Variants in PDK3 observed in about 807,000 individuals in gnomAD.
PDK3 encodes the protein pyruvate dehydrogenase kinase, isozyme 3.
In PDK3, 12 loss-of-function variants were observed where a neutral mutation model predicts 32.0. That is an observed-to-expected ratio of 0.37 (90% CI 0.24 to 0.61). The LOEUF (loss-of-function observed/expected upper bound fraction) is 0.61. Among genes scored for constraint, PDK3 ranks in the 20% least tolerant of loss-of-function variants. The pLI, the probability that PDK3 is intolerant of heterozygous loss-of-function variation, is 0.65. For missense variants in PDK3, 188 were observed against 316.9 expected (o/e 0.59, Z 3.09); for synonymous variants, 122 against 116.3 (o/e 1.05, Z -0.31).
At chrX:24,476,435 C>T (rs924074539) in intron 1 of PDK3, among the ~76,000 whole-genome samples, 2 of 112,025 alleles carry the variant, frequency 1.8e-5, no homozygotes, top group Non-Finnish European at 1.9e-5. Flanking sequence ...GTGCATAGGT[C>T]ATATGCAAAT....
downstream of PDK3, among the ~76,000 whole-genome samples, chrX:24,535,749 A>G (rs1051211487): frequency 5.5e-5 from 6 of 109,688 alleles, no homozygotes; most frequent in Non-Finnish European, 7.6e-5. Flanking sequence ...TTCCATGTCA[A>G]TGATCATTCA....
chrX:24,519,173 A>G (rs1922333064), intron 6 of PDK3, among the ~76,000 whole-genome samples, 163 bp downstream of exon 6: 1 of 110,827 alleles, frequency 9.0e-6, no homozygotes, highest in Non-Finnish European at 1.9e-5. Context: ...ATATTATTGT[A>G]AGGAGTTTTT....
chrX:24,496,669 C>T (rs1299648703), intron 2 of PDK3, among the ~76,000 whole-genome samples: 3 of 96,507 alleles, frequency 3.1e-5, no homozygotes, highest in African/African-American at 7.8e-5. Context: ...CTTTTAAAAG[C>T]GAATCTTATG....
At chrX:24,468,387 A>G (rs771307279) in intron 1 of PDK3, among the ~76,000 whole-genome samples, 1 of 111,544 alleles carries the variant, frequency 9.0e-6, no homozygotes, top group Non-Finnish European at 1.9e-5. Context: ...CTCCCACTCC[A>G]AGTCGTGACA....
intron 5 of PDK3, among the ~76,000 whole-genome samples, chrX:24,514,008 C>T (rs866723465): frequency 1.8e-5 from 2 of 111,456 alleles, no homozygotes; most frequent in South Asian, 7.5e-4. Flanking sequence ...TTAATTTTTT[C>T]AGCACTCACT....
At chrX:24,517,304 C>T (rs1028120309) in intron 5 of PDK3, among the ~76,000 whole-genome samples, 1 of 111,220 alleles carries the variant, frequency 9.0e-6, no homozygotes, top group Admixed American at 9.5e-5. Context: ...CTCACTGCAA[C>T]CTCCACCTCC....
exon 12 of PDK3, chrX:24,550,439 A>C (rs1923077552): frequency 1.8e-5 from 2 of 111,991 alleles, no homozygotes; most frequent in South Asian, 7.5e-4. Flanking sequence ...CCCAATAATC[A>C]GAACAATAAA....
downstream of PDK3, among the ~76,000 whole-genome samples, chrX:24,538,366 TGG>T (rs1922822243): frequency 1.8e-5 from 2 of 112,387 alleles, no homozygotes; most frequent in Non-Finnish European, 3.8e-5. Context: ...TTAGTAAGTA[TGG>T]TAAATTCACT....
downstream of PDK3, among the ~76,000 whole-genome samples, chrX:24,537,139 A>T (rs1347203026): frequency 2.2e-5 from 2 of 89,748 alleles, no homozygotes; most frequent in African/African-American, 4.2e-5. Flanking sequence ...TTTTTTTGAG[A>T]CAGAGTCTCA....
chrX:24,527,382 G>A (rs1014910396), intron 7 of PDK3, among the ~76,000 whole-genome samples, 192 bp from the exon 8 acceptor site: 4 of 110,446 alleles, frequency 3.6e-5, no homozygotes, highest in Admixed American at 9.7e-5. Context: ...GAAAAACAAA[G>A]TGTCAGGAAA....
At position 24,472,769 on chromosome X, in the gene PDK3, C is replaced by T. The variant is rs766347655; in HGVS notation, c.106+7208C>T. Reference sequence around the variant, plus strand: ...ATGGTGCGATCTGGGCTCACCGCAACCTCCGCCTCCCAGGTTCAAGTGATT... The same window carrying T: ...ATGGTGCGATCTGGGCTCACCGCAATCTCCGCCTCCCAGGTTCAAGTGATT... On this transcript the variant is annotated intron_variant, in intron 1 of 10. Transcript: ENST00000379162. Among the ~76,000 whole-genome samples the T allele has an allele frequency of 2.6e-3, 253 of 99,210 alleles. 1 individual carries two copies. The highest frequency in any genetic ancestry group is 8.7e-3 in the African/African-American group (230 of 26,344). 86.2% of individuals were successfully genotyped at this position (99,210 alleles called of 115,157 possible).
intron 1 of PDK3, among the ~76,000 whole-genome samples, chrX:24,492,425 C>T (rs1404287457): frequency 9.1e-6 from 1 of 110,012 alleles, no homozygotes; most frequent in Non-Finnish European, 1.9e-5. Flanking sequence ...CCTATCTCTA[C>T]TGAAAACACA....
chrX:24,477,051 G>A (rs1921131210), intron 1 of PDK3, among the ~76,000 whole-genome samples: 1 of 112,025 alleles, frequency 8.9e-6, no homozygotes, highest in Non-Finnish European at 1.9e-5. Context: ...TATCTGGAGT[G>A]TGACTTTTGG....
chrX:24,477,380 G>A (rs1921137357), intron 1 of PDK3, among the ~76,000 whole-genome samples: 1 of 111,708 alleles, frequency 9.0e-6, no homozygotes, highest in Non-Finnish European at 1.9e-5. Context: ...AAATTCCTGT[G>A]TATATTTGGC....
downstream of PDK3, among the ~76,000 whole-genome samples, chrX:24,535,931 A>C (rs1441947977): frequency 2.9e-5 from 3 of 101,756 alleles, no homozygotes; most frequent in Non-Finnish European, 5.9e-5. Flanking sequence ...GAAAAGAAGG[A>C]AGGAAAGGAA....
intron 1 of PDK3, among the ~76,000 whole-genome samples, chrX:24,490,327 C>T (rs753507555): frequency 9.9e-5 from 11 of 111,233 alleles, no homozygotes; most frequent in Non-Finnish European, 1.9e-4. Context: ...GAAGTAGATA[C>T]TGCTCTTTTT....
At chrX:24,486,464 T>C (rs748508989) in intron 1 of PDK3, among the ~76,000 whole-genome samples, 5 of 111,526 alleles carry the variant, frequency 4.5e-5, no homozygotes, top group Non-Finnish European at 9.4e-5. Context: ...TTCTGCGTGC[T>C]GTCTAAATTC....
At chrX:24,510,037 TGTGA>T (rs1393769876) in intron 5 of PDK3, among the ~76,000 whole-genome samples, 3 of 112,581 alleles carry the variant, frequency 2.7e-5, no homozygotes, top group East Asian at 5.5e-4. Context: ...ATGAAATTAC[TGTGA>T]GTAAGAAAAC....
intron 2 of PDK3, among the ~76,000 whole-genome samples, chrX:24,496,291 C>G (rs1449364763): frequency 2.8e-5 from 2 of 71,829 alleles, no homozygotes; most frequent in Non-Finnish European, 5.1e-5. Flanking sequence ...GTCTCACTCT[C>G]TGCATACACA....
Sources: allele counts gnomAD v4.1 joint callset (sites outside exome capture counted in the v4.1 genomes callset), GRCh38; gene constraint gnomAD v4.1.1; transcripts MANE v1.5; gene names NCBI Gene and HGNC (gene_info 2026-07-23, HGNC 2026-07-21).